SP140: variants seen among roughly 807,000 people sequenced by gnomAD.
The protein encoded by SP140 is SP140 nuclear body protein.
In SP140, 81 loss-of-function variants were observed where a neutral mutation model predicts 125.0. That is an observed-to-expected ratio of 0.65 (90% CI 0.54 to 0.78). SP140 has a LOEUF of 0.78. Among genes scored for constraint, SP140 ranks in the 30% least tolerant of loss-of-function variants. The pLI is 0.00. For synonymous variants in SP140, 312 were observed against 354.0 expected, an observed-to-expected ratio of 0.88 and a Z score of 1.33; for missense variants, 858 against 1,037.0, an observed-to-expected ratio of 0.83 and a Z score of 2.37.
chr2:230,255,543 G>GCT lies in SP140; in HGVS notation c.1240+11_1240+12insCT. ...CAAGACGTGGGTCAGGTAAGGACGG[G>GCT]GGGGGGGATTTCTGGCCCTGGGCTG... On this transcript the variant is annotated intron_variant, in intron 12 of 26. Coordinates refer to ENST00000392045, the MANE Select transcript of SP140 (RefSeq NM_007237.5). The GCT allele has an allele frequency of 6.2e-7, 1 of 1,605,360 alleles. No homozygotes were observed. Among genetic ancestry groups the GCT allele is most frequent in the South Asian group, 1.1e-5 (1 of 90,868 alleles).
At chr2:230,250,465 T>C (rs1575011358) in intron 9 of SP140, among the ~76,000 whole-genome samples, 2 of 152,318 alleles carry the variant, frequency 1.3e-5, no homozygotes, top group South Asian at 4.1e-4. Context: ...TCTGTATTGT[T>C]GCCTTGGCCC....
chr2:230,248,888 C>A lies in SP140; in HGVS notation c.896C>A (p.Thr299Asn), dbSNP rs1350651870. 3.1e-6 allele frequency: 5 copies of A among 1,611,436 alleles called. No individual in the cohort carries two copies. Among genetic ancestry groups the A allele is most frequent in the Non-Finnish European group, 4.2e-6 (5 of 1,177,854 alleles). ...QESPEGRDKE[T>N]FDLKTPQVTN... ...TCAATTTCTTGTTTATCTGCAGAGA[C>A]CTTTGATCTAAAAACTCCCCAAGTC... The change falls in exon 9 of 27, where the codon ACC becomes AAC. Residue 299 changes from threonine to asparagine, a missense_variant. By Grantham distance (65) the Thr-to-Asn change is moderately conservative. Around this residue, in one of 4 missense-constraint regions of SP140, gnomAD observed 791 missense variants for 869.5 expected, o/e 0.91. Transcript: ENST00000392045.
intron 5 of SP140, among the ~76,000 whole-genome samples, chr2:230,244,091 A>G (rs777849050): frequency 6.6e-6 from 1 of 152,222 alleles, no homozygotes; most frequent in African/African-American, 2.4e-5. Flanking sequence ...ATTGTTTGTT[A>G]CTATTATTAT....
chr2:230,192,617 C>A, the SP140 span, among the ~76,000 whole-genome samples: 1 of 152,140 alleles, frequency 6.6e-6, no homozygotes, highest in East Asian at 1.9e-4. Context: ...ACAAACCACT[C>A]CTCAAGGAAA....
At chr2:230,263,047 T>A (rs533867276) in intron 12 of SP140, among the ~76,000 whole-genome samples, 64 of 152,344 alleles carry the variant, frequency 4.2e-4, no homozygotes, top group African/African-American at 1.5e-3. Context: ...TCTAGTGCTG[T>A]CAGTGGAGTA....
At chr2:230,280,229 A>G (rs2055341899) in intron 15 of SP140, among the ~76,000 whole-genome samples, 2 of 151,934 alleles carry the variant, frequency 1.3e-5, no homozygotes, top group Non-Finnish European at 2.9e-5. Flanking sequence ...TAACTTTTTA[A>G]TGGATGTTTT....
the SP140 span, among the ~76,000 whole-genome samples, chr2:230,188,792 A>T: frequency 6.6e-6 from 1 of 152,130 alleles, no homozygotes; most frequent in East Asian, 1.9e-4. Context: ...ATTGACTTGC[A>T]TGTGTTAAAC....
intron 1 of SP140, among the ~76,000 whole-genome samples, chr2:230,236,452 A>G (rs768289495): frequency 7.2e-5 from 11 of 152,242 alleles, no homozygotes; most frequent in African/African-American, 2.4e-4. Context: ...GAGATTTGTT[A>G]TAAGGAATTG....
rs146900768 is a variant in SP140 at position 230,308,308 on chromosome 2, T to C, written c.2059-1616T>C. On this transcript the variant is annotated intron_variant, in intron 22 of 26. Transcript: ENST00000392045. ...CAGCGTACACTGCTCTTGTGATGAG[T>C]GCACCAAAATCTCAAAAGCCACCAC... Among the ~76,000 whole-genome samples, 66 of 152,070 alleles carry C rather than the reference T, an allele frequency of 4.3e-4. No individual in the cohort carries two copies. The East Asian group carries it at 0.012, about 28-fold the overall frequency.
At chr2:230,205,139 C>T (rs955796698) in intron 1 of SP140, among the ~76,000 whole-genome samples, 5 of 152,070 alleles carry the variant, frequency 3.3e-5, no homozygotes, top group African/African-American at 9.7e-5. Flanking sequence ...GAGGGTGAAC[C>T]AATAGACCTT....
the SP140 span, among the ~76,000 whole-genome samples, chr2:230,196,350 G>A: frequency 6.6e-6 from 1 of 151,912 alleles, no homozygotes; most frequent in African/African-American, 2.4e-5. Context: ...CATACGTAAC[G>A]TGCCATGCAG....
the SP140 span, among the ~76,000 whole-genome samples, chr2:230,187,041 T>G: frequency 6.6e-6 from 1 of 152,214 alleles, no homozygotes; most frequent in African/African-American, 2.4e-5. Flanking sequence ...CTGGATGGAA[T>G]GGTAGATCTA....
chr2:230,260,698 G>C (rs2052083653), intron 12 of SP140, among the ~76,000 whole-genome samples: 1 of 152,112 alleles, frequency 6.6e-6, no homozygotes, highest in Non-Finnish European at 1.5e-5. Flanking sequence ...GTTGAATAGG[G>C]TGTCCTTTCC....
At chr2:230,206,582 T>C (rs2043832346) in intron 1 of SP140, among the ~76,000 whole-genome samples, 1 of 133,078 alleles carries the variant, frequency 7.5e-6, no homozygotes, top group Admixed American at 7.8e-5. Context: ...TTATATATTA[T>C]CTGGTCCAGA....
chr2:230,282,162 G>A (rs1256367891), intron 15 of SP140, among the ~76,000 whole-genome samples: 2 of 152,148 alleles, frequency 1.3e-5, no homozygotes, highest in Non-Finnish European at 2.9e-5. Flanking sequence ...GGGATATTAA[G>A]CAAATCTCCT....
intron 19 of SP140, among the ~76,000 whole-genome samples, chr2:230,291,666 C>G (rs961071866): frequency 1.3e-5 from 2 of 152,186 alleles, no homozygotes; most frequent in African/African-American, 4.8e-5. Context: ...ATAAACTCAT[C>G]ATTTGGAACT....
At chr2:230,194,265 G>A in the SP140 span, among the ~76,000 whole-genome samples, 11 of 151,936 alleles carry the variant, frequency 7.2e-5, no homozygotes, top group East Asian at 3.9e-4. Context: ...CCCACTGACC[G>A]GCATATCTTA....
At chr2:230,241,605 C>G in intron 4 of SP140, 118 bp downstream of exon 4, 1 of 667,304 alleles carries the variant, frequency 1.5e-6, no homozygotes, top group Non-Finnish European at 2.7e-6. Flanking sequence ...AGTCCTCCTC[C>G]CCTCACACAG....
chr2:230,215,089 G>T, intron 3 of SP140: 1 of 1,613,806 alleles, frequency 6.2e-7, no homozygotes, highest in Non-Finnish European at 8.5e-7. Flanking sequence ...TGGATACAGG[G>T]ATCAAATTTC....
Sources: allele counts gnomAD v4.1 joint callset (sites outside exome capture counted in the v4.1 genomes callset), GRCh38; gene constraint gnomAD v4.1.1; regional missense constraint gnomAD v4.1.1; transcripts MANE v1.5; gene names NCBI Gene and HGNC (gene_info 2026-07-23, HGNC 2026-07-21).